The following PLXNA2 variants were observed in gnomAD, a reference collection of about 807,000 sequenced individuals.
PLXNA2 encodes plexin A2.
PLXNA2 carries 91 observed loss-of-function variants against 193.5 expected under a neutral mutation model. The ratio of observed to expected loss-of-function variants is 0.47; its 90% CI spans 0.40 to 0.56. The LOEUF (loss-of-function observed/expected upper bound fraction) is 0.56. PLXNA2 is among the 20% of genes least tolerant of loss of function. The pLI is 0.00. For synonymous variants in PLXNA2, 997 were observed against 1,027.3 expected (o/e 0.97, Z 0.56); for missense variants, 1,995 against 2,503.2 (o/e 0.80, Z 4.33).
chr1:208,164,678 C>A (rs1033652448), intron 3 of PLXNA2, among the ~76,000 whole-genome samples: 2 of 152,204 alleles, frequency 1.3e-5, no homozygotes, highest in African/African-American at 4.8e-5. Flanking sequence ...AGAGGCTGGG[C>A]TGAGTGAAGA....
At chr1:208,162,008 T>A (rs1669121366) in intron 3 of PLXNA2, among the ~76,000 whole-genome samples, 1 of 152,210 alleles carries the variant, frequency 6.6e-6, no homozygotes, top group Non-Finnish European at 1.5e-5. Flanking sequence ...AGCCTGTGTG[T>A]GCCTCAACTT....
intron 1 of PLXNA2, among the ~76,000 whole-genome samples, chr1:208,226,154 G>T (rs752173258): frequency 4.6e-5 from 7 of 152,122 alleles, no homozygotes; most frequent in Non-Finnish European, 4.4e-5. Flanking sequence ...TTTGGGATGC[G>T]AATTAGGATG....
intron 12 of PLXNA2, among the ~76,000 whole-genome samples, chr1:208,061,399 A>G (rs949193796): frequency 3.9e-5 from 6 of 152,186 alleles, no homozygotes; most frequent in African/African-American, 1.4e-4. Flanking sequence ...AGAAACTTAG[A>G]GTCGAGGATG....
chr1:208,148,003 C>T (rs911632573), intron 3 of PLXNA2, among the ~76,000 whole-genome samples: 1 of 152,144 alleles, frequency 6.6e-6, no homozygotes, highest in African/African-American at 2.4e-5. Flanking sequence ...AGAGATTTAG[C>T]GTCCAGTCCT....
At chr1:208,211,775 A>G (rs2102602435) in intron 2 of PLXNA2, among the ~76,000 whole-genome samples, 1 of 152,330 alleles carries the variant, frequency 6.6e-6, no homozygotes, top group African/African-American at 2.4e-5. Context: ...CTGGTTGTGA[A>G]AACTTGGACA....
intron 29 of PLXNA2, chr1:208,031,322 G>T (rs1664496689): frequency 1.5e-6 from 2 of 1,295,174 alleles, no homozygotes; most frequent in South Asian, 3.7e-5. Flanking sequence ...GGCTCTTCTT[G>T]GGGTACTGGT....
intron 3 of PLXNA2, among the ~76,000 whole-genome samples, chr1:208,190,843 T>A (rs1204229243): frequency 3.3e-5 from 5 of 152,182 alleles, no homozygotes. Context: ...AGTAAATAAT[T>A]GTATGAATGA....
chr1:208,231,923 C>T (rs1254512020), intron 1 of PLXNA2, among the ~76,000 whole-genome samples: 2 of 152,222 alleles, frequency 1.3e-5, no homozygotes, highest in Non-Finnish European at 2.9e-5. Flanking sequence ...ATACTCTCTG[C>T]CTGCACATAA....
intron 1 of PLXNA2, among the ~76,000 whole-genome samples, chr1:208,225,902 C>A (rs1251990306): frequency 6.6e-6 from 1 of 152,194 alleles, no homozygotes. Context: ...AAATAAATTT[C>A]TGTTATTTAA....
intron 2 of PLXNA2, among the ~76,000 whole-genome samples, chr1:208,216,289 C>G (rs534846251): frequency 6.6e-6 from 1 of 152,212 alleles, no homozygotes; most frequent in African/African-American, 2.4e-5. Flanking sequence ...TTAGACACCA[C>G]TTTCTCAATG....
At chr1:208,190,802 A>G (rs1356628486) in intron 3 of PLXNA2, among the ~76,000 whole-genome samples, 1 of 152,246 alleles carries the variant, frequency 6.6e-6, no homozygotes, top group Non-Finnish European at 1.5e-5. Flanking sequence ...TAGCAGGCCC[A>G]TATGTAATTG....
intron 12 of PLXNA2, among the ~76,000 whole-genome samples, chr1:208,078,120 AT>A (rs1230036560): frequency 2.0e-5 from 3 of 152,224 alleles, no homozygotes; most frequent in African/African-American, 7.2e-5. Flanking sequence ...AAACTTGGGC[AT>A]GTCACTCAAT....
At position 208,233,451 on chromosome 1, in the gene PLXNA2, C is replaced by A. The variant is rs539726138; in HGVS notation, c.-81+10192G>T. On this transcript the variant is annotated intron_variant, in intron 1 of 31. Transcript: ENST00000367033. ...AGGGCCCTGCTTTTTCTTCCTGGCC[C>A]CCAGGGACTGCACAGTTGGTGGAAA... 5.3e-5 allele frequency among the ~76,000 whole-genome samples: 8 copies of A among 152,338 alleles called. No individual in the cohort carries two copies. In the East Asian group the frequency reaches 5.8e-4, roughly 11 times the overall value.
rs577528781 is a variant in PLXNA2 at position 208,167,569 on chromosome 1, C to A, written c.1372-25106G>T. Among the ~76,000 whole-genome samples, 320 of 152,214 alleles carry A rather than the reference C, an allele frequency of 2.1e-3. 4 individuals are homozygous for A. Among genetic ancestry groups the A allele is most frequent in the South Asian group, 0.014 (68 of 4,812 alleles). ...GTCTCCTGAAATTGAGGTCCATATGCCCTAGCGCCCTGCTCTTCTTACTCC... is the reference window on the plus strand; with the variant it reads ...GTCTCCTGAAATTGAGGTCCATATGACCTAGCGCCCTGCTCTTCTTACTCC... On this transcript the variant is annotated intron_variant, in intron 3 of 31. Coordinates refer to ENST00000367033, the MANE Select transcript of PLXNA2 (RefSeq NM_025179.4).
chr1:208,057,933 C>T (rs914798580), intron 13 of PLXNA2, among the ~76,000 whole-genome samples: 4 of 152,166 alleles, frequency 2.6e-5, no homozygotes, highest in African/African-American at 9.7e-5. Flanking sequence ...TTCCTAAATA[C>T]CTGTTTTCCA....
chr1:208,229,298 T>C (rs1293664584), intron 1 of PLXNA2, among the ~76,000 whole-genome samples: 1 of 152,206 alleles, frequency 6.6e-6, no homozygotes, highest in Non-Finnish European at 1.5e-5. Flanking sequence ...CTTTTTTATG[T>C]GACTATTTCC....
intron 3 of PLXNA2, among the ~76,000 whole-genome samples, chr1:208,180,353 G>T (rs542709909): frequency 6.6e-6 from 1 of 152,236 alleles, no homozygotes; most frequent in South Asian, 2.1e-4. Context: ...GGAGGCCTGA[G>T]TGGGCACCTC....
In PLXNA2 at chr1:208,025,664, A is replaced by G. The variant is rs1664321713; in HGVS notation, c.*1579T>C. The stretch of plus-strand genomic sequence containing the variant: ...CTATCCTGGCCACCAAGGTCCTGAC[A>G]CTCACAGAGCGCCTTTCCTCTCGAT... On this transcript the variant is annotated 3_prime_UTR_variant, in exon 32 of 32. Coordinates refer to ENST00000367033, the MANE Select transcript of PLXNA2 (RefSeq NM_025179.4). 2.0e-5 allele frequency: 3 copies of G among 152,174 alleles called. No homozygotes were observed. The allele number at this position is 152,174 out of a possible 1,614,324, so 9.4% of individuals were successfully genotyped here. A position where few individuals can be genotyped will look rare whatever the true frequency, so the allele number is the denominator to read the frequency against.
chr1:208,077,024 G>T (rs1666171278), intron 12 of PLXNA2, among the ~76,000 whole-genome samples: 1 of 152,060 alleles, frequency 6.6e-6, no homozygotes, highest in Non-Finnish European at 1.5e-5. Context: ...AAGGAGGATG[G>T]GGTAGGGGTA....
Sources: gnomAD v4.1 joint callset for allele counts (sites outside exome capture counted in the v4.1 genomes callset) on GRCh38, gnomAD v4.1.1 for gene constraint, MANE v1.5 for transcripts, NCBI Gene and HGNC (gene_info 2026-07-23, HGNC 2026-07-21) for gene names.